Variants in BNC2 observed in about 807,000 individuals in gnomAD.
BNC2 encodes basonuclin zinc finger protein 2, also known as zinc finger protein basonuclin-2.
In BNC2, 20 loss-of-function variants were observed where a neutral mutation model predicts 76.3. The observed-to-expected ratio is 0.26, with a 90% CI of 0.18 to 0.38. BNC2 has a LOEUF of 0.38. Ranked by LOEUF, BNC2 falls within the 10% of genes least tolerant of loss-of-function variation. The probability of loss-of-function intolerance (pLI) is 1.00; values close to 1 mark genes in which losing one functional copy is unlikely to be tolerated. For synonymous variants in BNC2, 582 were observed against 514.8 expected (o/e 1.13, Z -1.77); for missense variants, 1,382 against 1,399.8 (o/e 0.99, Z 0.20).
chr9:16,529,638 A>T (rs1053009213), intron 5 of BNC2, among the ~76,000 whole-genome samples: 1 of 152,136 alleles, frequency 6.6e-6, no homozygotes, highest in Non-Finnish European at 1.5e-5. Context: ...GATGATTACT[A>T]GTTGTTCTAG....
chr9:16,699,253 C>A, intron 3 of BNC2: 1 of 468,516 alleles, frequency 2.1e-6, no homozygotes, highest in Non-Finnish European at 4.4e-6. Context: ...CAAAAAAGTC[C>A]CTTATAGAAG....
At position 16,763,130 on chromosome 9, in the gene BNC2, G is replaced by T. The variant is rs1184985548; in HGVS notation, c.4-24645C>A. ...GGCTCTCTAGCTGAGAGGTTATGGTGATAAGGGCTTTAGAAAAAAGATCCA... is the reference window on the plus strand; with the variant it reads ...GGCTCTCTAGCTGAGAGGTTATGGTTATAAGGGCTTTAGAAAAAAGATCCA... On this transcript the variant is annotated intron_variant, in intron 1 of 6. Coordinates refer to ENST00000380672, the MANE Select transcript of BNC2 (RefSeq NM_017637.6). Among the ~76,000 whole-genome samples, 3 of 152,176 alleles carry T rather than the reference G, an allele frequency of 2.0e-5. No homozygotes were observed. The South Asian group carries it at 6.2e-4, about 32-fold the overall frequency.
At chr9:16,420,852 C>G (rs1235138129) in intron 6 of BNC2, among the ~76,000 whole-genome samples, 1 of 152,086 alleles carries the variant, frequency 6.6e-6, no homozygotes, top group East Asian at 1.9e-4. Context: ...GGGCACATAC[C>G]TCTCTCCACC....
chr9:16,707,877 G>A (rs1441353203), intron 3 of BNC2, among the ~76,000 whole-genome samples: 1 of 152,080 alleles, frequency 6.6e-6, no homozygotes, highest in Non-Finnish European at 1.5e-5. Context: ...CCTGACCTCA[G>A]GTGCTCTGCC....
intron 5 of BNC2, among the ~76,000 whole-genome samples, chr9:16,528,795 T>C (rs1336122536): frequency 1.3e-5 from 2 of 151,478 alleles, no homozygotes; most frequent in African/African-American, 2.4e-5. Flanking sequence ...TGGGAAATTA[T>C]ATGGAGGTTC....
chr9:16,524,768 T>G (rs1018930677), intron 5 of BNC2, among the ~76,000 whole-genome samples: 1 of 152,108 alleles, frequency 6.6e-6, no homozygotes, highest in African/African-American at 2.4e-5. Context: ...GCTGAAAAAT[T>G]TTATTCAGTA....
At chr9:16,761,821 T>C (rs1825558611) in intron 1 of BNC2, among the ~76,000 whole-genome samples, 1 of 152,158 alleles carries the variant, frequency 6.6e-6, no homozygotes, top group Non-Finnish European at 1.5e-5. Context: ...TCCACCTAAC[T>C]ACAAAGGCCC....
intron 3 of BNC2, among the ~76,000 whole-genome samples, chr9:16,651,245 G>T (rs925587714): frequency 6.6e-6 from 1 of 152,130 alleles, no homozygotes; most frequent in African/African-American, 2.4e-5. Context: ...ATTACATCAT[G>T]TATATTTCAA....
chr9:16,657,881 C>A (rs1024897676), intron 3 of BNC2, among the ~76,000 whole-genome samples: 1 of 152,150 alleles, frequency 6.6e-6, no homozygotes, highest in Non-Finnish European at 1.5e-5. Context: ...GTGTGTTGAT[C>A]TTAGGGCAGG....
chr9:16,622,383 T>C (rs1350522421), intron 3 of BNC2, among the ~76,000 whole-genome samples: 3 of 152,326 alleles, frequency 2.0e-5, no homozygotes, highest in African/African-American at 7.2e-5. Flanking sequence ...ACAAACTTAC[T>C]AATCATGATG....
At chr9:16,572,246 G>C (rs1269716088) in intron 4 of BNC2, among the ~76,000 whole-genome samples, 1 of 152,162 alleles carries the variant, frequency 6.6e-6, no homozygotes, top group Admixed American at 6.5e-5. Context: ...CTGGATGTTT[G>C]GGCTGCTAAA....
At chr9:16,441,454 T>C (rs76395872) in intron 5 of BNC2, among the ~76,000 whole-genome samples, 10,938 of 152,324 alleles carry the variant, frequency 0.072, 403 homozygotes, top group Middle Eastern at 0.13. Context: ...TACTGTATCT[T>C]TGACTAACCT....
chr9:16,708,901 A>G (rs1290208022), intron 3 of BNC2, among the ~76,000 whole-genome samples: 1 of 152,190 alleles, frequency 6.6e-6, no homozygotes, highest in African/African-American at 2.4e-5. Flanking sequence ...GGTAGATGTC[A>G]GGGGACTCAG....
At chr9:16,791,431 C>T (rs1023379107) in intron 1 of BNC2, among the ~76,000 whole-genome samples, 2 of 152,122 alleles carry the variant, frequency 1.3e-5, no homozygotes, top group East Asian at 3.9e-4. Flanking sequence ...ATTTAGTTAA[C>T]CATGGCAACT....
At chr9:16,660,955 A>G (rs1322711002) in intron 3 of BNC2, among the ~76,000 whole-genome samples, 1 of 152,162 alleles carries the variant, frequency 6.6e-6, no homozygotes, top group African/African-American at 2.4e-5. Context: ...AAATTTTGGT[A>G]TTTGAGGGAG....
rs1426342509 is a variant in BNC2 at position 16,841,978 on chromosome 9, T to A, written c.3+28668A>T. ...GCATGCACTACCACGTCCATCTAATTTTCTATTTTTAGTAGAGACAGGGTT... is the reference window on the plus strand; with the variant it reads ...GCATGCACTACCACGTCCATCTAATATTCTATTTTTAGTAGAGACAGGGTT... On this transcript the variant is annotated intron_variant, in intron 1 of 6. Coordinates refer to ENST00000380672, the MANE Select transcript of BNC2 (RefSeq NM_017637.6). Among the ~76,000 whole-genome samples, 7 of 152,058 alleles carry A rather than the reference T, an allele frequency of 4.6e-5. 1 individual carries two copies. The highest frequency in any genetic ancestry group is 8.8e-5 in the Non-Finnish European group (6 of 68,010).
intron 3 of BNC2, among the ~76,000 whole-genome samples, chr9:16,613,017 CGGAG>C (rs1563863350): frequency 1.3e-5 from 2 of 152,060 alleles, no homozygotes; most frequent in Non-Finnish European, 2.9e-5. Flanking sequence ...GCCAATGGTA[CGGAG>C]GTAAAGCAGC....
At chr9:16,707,915 T>G (rs1390479457) in intron 3 of BNC2, among the ~76,000 whole-genome samples, 1 of 152,212 alleles carries the variant, frequency 6.6e-6, no homozygotes, top group Non-Finnish European at 1.5e-5. Flanking sequence ...GTGCTAGGAT[T>G]ACAGGTGTGA....
At chr9:16,444,256 T>C (rs73415430) in intron 5 of BNC2, among the ~76,000 whole-genome samples, 4,762 of 152,228 alleles carry the variant, frequency 0.031, 250 homozygotes, top group African/African-American at 0.11. Flanking sequence ...ACACAGAGTT[T>C]AGAAACAGCT....
Sources: allele counts gnomAD v4.1 joint callset (sites outside exome capture counted in the v4.1 genomes callset), GRCh38; gene constraint gnomAD v4.1.1; transcripts MANE v1.5; gene names NCBI Gene and HGNC (gene_info 2026-07-23, HGNC 2026-07-21).